The following SYN3 variants were observed in gnomAD, a reference collection of about 807,000 sequenced individuals.
SYN3 encodes synapsin III, also known as synapsin-3.
Under a neutral mutation model 65.8 loss-of-function variants are expected in SYN3, and 35 were observed. The observed-to-expected ratio is 0.53, with a 90% CI of 0.41 to 0.70. The LOEUF (loss-of-function observed/expected upper bound fraction) is 0.70, where lower values mean the gene tolerates loss of function less well. SYN3 is among the 30% of genes least tolerant of loss of function. The probability of loss-of-function intolerance (pLI) is 0.00; values close to 1 mark genes in which losing one functional copy is unlikely to be tolerated. For missense variants in SYN3, 680 were observed against 749.0 expected, an observed-to-expected ratio of 0.91 and a Z score of 1.08; for synonymous variants, 270 against 292.9, an observed-to-expected ratio of 0.92 and a Z score of 0.80.
chr22:32,893,219 C>G (rs1211735408), intron 4 of SYN3, among the ~76,000 whole-genome samples: 2 of 152,160 alleles, frequency 1.3e-5, no homozygotes, highest in Non-Finnish European at 2.9e-5. Context: ...TTGCTCTGCC[C>G]CCCTCCCAGG....
intron 8 of SYN3, among the ~76,000 whole-genome samples, chr22:32,541,138 G>T (rs962213400): frequency 2.6e-5 from 4 of 152,124 alleles, no homozygotes; most frequent in African/African-American, 9.7e-5. Flanking sequence ...GGTCTTATTG[G>T]CTTCAGAGAA....
intron 3 of SYN3, among the ~76,000 whole-genome samples, chr22:32,966,030 G>A (rs2051832500): frequency 6.6e-6 from 1 of 152,164 alleles, no homozygotes; most frequent in Admixed American, 6.5e-5. Flanking sequence ...TGTAACCTGA[G>A]CACGCAGCAC....
chr22:32,592,634 T>C (rs73154336), intron 7 of SYN3, among the ~76,000 whole-genome samples: 9,985 of 152,274 alleles, frequency 0.066, 378 homozygotes, highest in Non-Finnish European at 0.084. Context: ...TCTCCTTTCC[T>C]GGGCATGCTC....
At chr22:32,554,008 C>A (rs2058454365) in intron 7 of SYN3, among the ~76,000 whole-genome samples, 1 of 152,232 alleles carries the variant, frequency 6.6e-6, no homozygotes, top group Non-Finnish European at 1.5e-5. Context: ...TCATCCCTCA[C>A]TGGACCATCG....
intron 6 of SYN3, among the ~76,000 whole-genome samples, chr22:32,842,786 G>A (rs979544135): frequency 1.3e-5 from 2 of 152,124 alleles, no homozygotes; most frequent in African/African-American, 2.4e-5. Context: ...CTAAACAGAT[G>A]ATACGATATA....
rs150279094 is a variant in SYN3 at position 32,805,247 on chromosome 22, G to A, written c.711+59668C>T. Among the ~76,000 whole-genome samples, 124 of 152,250 alleles carry A rather than the reference G, an allele frequency of 8.1e-4. No individual in the cohort carries two copies. The East Asian group carries it at 0.016, about 20-fold the overall frequency. ...GAGCATGAGGCTCAGCTGGGGGGCC[G>A]GCTGCCAGCCCCAGAGGATGGCCCC... On this transcript the variant is annotated intron_variant, in intron 6 of 13. Transcript: ENST00000358763.
intron 8 of SYN3, 110 bp from the exon 9 acceptor site, chr22:32,538,220 G>A (rs909711453): frequency 1.4e-5 from 12 of 873,916 alleles, no homozygotes; most frequent in African/African-American, 6.6e-5. Context: ...ACTGGCTCAC[G>A]TAATGGCATG....
At chr22:32,644,073 CAAAAAAAAAAAA>C (rs1175308291) in intron 6 of SYN3, among the ~76,000 whole-genome samples, 1 of 3,904 alleles carries the variant, frequency 2.6e-4, no homozygotes, top group Non-Finnish European at 6.8e-4. Context: ...GACTCTGCCT[CAAAAAAAAAAAA>C]AAAAAAAAAA....
intron 6 of SYN3, among the ~76,000 whole-genome samples, chr22:32,829,624 G>C (rs916276209): frequency 6.6e-6 from 1 of 152,160 alleles, no homozygotes; most frequent in African/African-American, 2.4e-5. Context: ...TTCTACCCCA[G>C]CCTCTTCACA....
intron 7 of SYN3, among the ~76,000 whole-genome samples, chr22:32,546,799 T>A (rs1306700852): frequency 6.6e-6 from 1 of 152,154 alleles, no homozygotes; most frequent in Non-Finnish European, 1.5e-5. Context: ...ATGGGGCCAC[T>A]GTGAACTCTC....
At chr22:32,743,432 C>T (rs888382263) in intron 6 of SYN3, among the ~76,000 whole-genome samples, 1 of 152,074 alleles carries the variant, frequency 6.6e-6, no homozygotes, top group African/African-American at 2.4e-5. Context: ...GGGCAGTGGA[C>T]ACAGAGGAAG....
intron 6 of SYN3, among the ~76,000 whole-genome samples, chr22:32,775,741 G>C (rs1240201858): frequency 6.6e-6 from 1 of 152,128 alleles, no homozygotes. Flanking sequence ...ACCTCTCAGA[G>C]CCTCAGTTTC....
At chr22:33,017,011 T>G (rs2053477941) in intron 1 of SYN3, among the ~76,000 whole-genome samples, 1 of 152,236 alleles carries the variant, frequency 6.6e-6, no homozygotes, top group Non-Finnish European at 1.5e-5. Flanking sequence ...TTTCCCCCTT[T>G]GTTTTCTTTT....
chr22:32,763,472 A>G (rs112317509), intron 6 of SYN3, among the ~76,000 whole-genome samples: 24 of 152,288 alleles, frequency 1.6e-4, no homozygotes, highest in African/African-American at 5.8e-4. Context: ...TCTTAAGAGT[A>G]CTTCTTGATG....
At chr22:32,654,102 C>A (rs2060109874) in intron 6 of SYN3, among the ~76,000 whole-genome samples, 1 of 152,210 alleles carries the variant, frequency 6.6e-6, no homozygotes, top group Non-Finnish European at 1.5e-5. Context: ...TGTCTCCAGC[C>A]AGGCCTATGC....
chr22:32,576,493 G>A (rs886961053), intron 7 of SYN3, among the ~76,000 whole-genome samples: 1 of 152,040 alleles, frequency 6.6e-6, no homozygotes. Flanking sequence ...ATAAATACAC[G>A]GTTTATGATG....
intron 10 of SYN3, among the ~76,000 whole-genome samples, chr22:32,532,508 T>A (rs2058092902): frequency 6.6e-6 from 1 of 152,298 alleles, no homozygotes; most frequent in Non-Finnish European, 1.5e-5. Context: ...AGAGCTGTTC[T>A]CCAGAGTGGG....
intron 6 of SYN3, among the ~76,000 whole-genome samples, chr22:32,742,821 G>T (rs541249776): frequency 6.6e-6 from 1 of 152,172 alleles, no homozygotes; most frequent in African/African-American, 2.4e-5. Flanking sequence ...AAAATATTCC[G>T]TCTTATCACG....
chr22:32,879,755 A>G (rs1368895888), intron 4 of SYN3, among the ~76,000 whole-genome samples: 1 of 152,254 alleles, frequency 6.6e-6, no homozygotes, highest in Non-Finnish European at 1.5e-5. Flanking sequence ...GCCGGTGTTA[A>G]GCACATAGTA....
Sources: allele counts gnomAD v4.1 joint callset (sites outside exome capture counted in the v4.1 genomes callset), GRCh38; gene constraint gnomAD v4.1.1; transcripts MANE v1.5; gene names NCBI Gene and HGNC (gene_info 2026-07-23, HGNC 2026-07-21).